ARIH2: variants seen among roughly 807,000 people sequenced by gnomAD.
The protein encoded by ARIH2 is E3 ubiquitin-protein ligase ARIH2.
A neutral mutation model predicts 79.8 loss-of-function variants in ARIH2; 12 were observed. The observed-to-expected ratio is 0.15, with a 90% CI of 0.10 to 0.24. The LOEUF is 0.24. ARIH2 is among the 10% of genes least tolerant of loss of function. The pLI is 1.00. For synonymous variants in ARIH2, 224 were observed against 213.9 expected (o/e 1.05, Z -0.41); for missense variants, 301 against 618.3 (o/e 0.49, Z 5.44).
At chr3:48,951,415 T>G (rs938252588) in intron 3 of ARIH2, among the ~76,000 whole-genome samples, 6 of 151,938 alleles carry the variant, frequency 3.9e-5, no homozygotes, top group Non-Finnish European at 5.9e-5. Flanking sequence ...AATATTGGGG[T>G]TTTTTTTCTT....
rs551118814 is a variant in ARIH2, at chr3:48,926,242, CGTG to C, written c.-97-1219_-97-1217del. Among the ~76,000 whole-genome samples the C allele has an allele frequency of 7.4e-3, 1,099 of 148,148 alleles. 5 individuals are homozygous for C. The highest frequency in any genetic ancestry group is 0.014 in the Admixed American group (200 of 14,800). ...TTCTTTTTTGAGATGGAGTTTCCCT[CGTG>C]TGTGTGTGTGTGTGTGTGTGTATGT... On this transcript the variant is annotated intron_variant, in intron 2 of 15. Coordinates refer to ENST00000356401, the MANE Select transcript of ARIH2 (RefSeq NM_006321.4).
intron 3 of ARIH2, among the ~76,000 whole-genome samples, chr3:48,936,491 T>G (rs1399670817): frequency 6.6e-6 from 1 of 152,222 alleles, no homozygotes; most frequent in Non-Finnish European, 1.5e-5. Context: ...CCCAGTACTT[T>G]GGGAGGCCAA....
chr3:48,941,138 C>G (rs1418422744), intron 3 of ARIH2, among the ~76,000 whole-genome samples: 1 of 148,902 alleles, frequency 6.7e-6, no homozygotes, highest in Non-Finnish European at 1.5e-5. Context: ...TGCCACTGCA[C>G]TCCAGCCTGG....
intron 3 of ARIH2, 99 bp downstream of exon 3, chr3:48,927,912 G>A: frequency 6.8e-7 from 1 of 1,463,682 alleles, no homozygotes; most frequent in Non-Finnish European, 9.2e-7. Context: ...GAATGGCCTT[G>A]TAGCTTGAAA....
At chr3:48,936,523 C>G (rs1435405949) in intron 3 of ARIH2, among the ~76,000 whole-genome samples, 1 of 151,886 alleles carries the variant, frequency 6.6e-6, no homozygotes, top group African/African-American at 2.4e-5. Context: ...CACCTGAGGT[C>G]AGGAGTTCAA....
intron 3 of ARIH2, chr3:48,934,800 T>C (rs1261699399): frequency 4.1e-6 from 4 of 985,324 alleles, no homozygotes; most frequent in Non-Finnish European, 3.6e-6. Flanking sequence ...TTGTCATCGC[T>C]GTGTACCTGA....
At chr3:48,972,576 A>G (rs865849897) in intron 8 of ARIH2, among the ~76,000 whole-genome samples, 7 of 152,270 alleles carry the variant, frequency 4.6e-5, no homozygotes, top group Middle Eastern at 6.8e-3. Context: ...CCAGGGAGGC[A>G]GAGGCTGCAG....
rs746322759 is a variant in ARIH2 at position 48,927,513 on chromosome 3, GA to G, written c.-41del. On this transcript the variant is annotated 5_prime_UTR_variant, in exon 3 of 16. Transcript: ENST00000356401. ...AAAGCGGTAGTTTTGGGGGGAGGGG[GA>G]AAAAGCAACTGCTTTCCTGATCTGC... 1.0e-4 allele frequency: 166 copies of G among 1,589,884 alleles called. No homozygotes were observed. The African/African-American group carries it at 2.0e-3, about 20-fold the overall frequency.
chr3:48,968,838 A>G (rs1479389269), intron 7 of ARIH2, among the ~76,000 whole-genome samples, 183 bp downstream of exon 7: 2 of 152,196 alleles, frequency 1.3e-5, no homozygotes, highest in African/African-American at 4.8e-5. Context: ...AGGCCTTAGA[A>G]TCAGACACAC....
intron 3 of ARIH2, among the ~76,000 whole-genome samples, chr3:48,929,575 T>A (rs916685851): frequency 1.3e-5 from 2 of 152,180 alleles, no homozygotes; most frequent in Admixed American, 6.6e-5. Flanking sequence ...GTCCAAAGAA[T>A]ACAGCTCGTT....
intron 1 of ARIH2, chr3:48,921,682 C>G (rs2084847158): frequency 1.3e-5 from 2 of 152,056 alleles, no homozygotes; most frequent in South Asian, 4.1e-4. Flanking sequence ...CGTCCACCCA[C>G]CTTGGCCTCC....
At chr3:48,965,629 G>T (rs1326753410) in intron 5 of ARIH2, among the ~76,000 whole-genome samples, 1 of 151,950 alleles carries the variant, frequency 6.6e-6, no homozygotes, top group Non-Finnish European at 1.5e-5. Context: ...TCAGACTCTG[G>T]CTCCACCTTT....
chr3:48,938,913 CAAAAAAAAAAAAAA>C (rs1158929356), intron 3 of ARIH2, among the ~76,000 whole-genome samples: 2 of 54,394 alleles, frequency 3.7e-5, no homozygotes, highest in Non-Finnish European at 3.3e-5. Flanking sequence ...GTCTTTAGAC[CAAAAAAAAAAAAAA>C]AAAAAAAAAA....
At chr3:48,970,739 C>A in intron 8 of ARIH2, 35 bp downstream of exon 8, 1 of 1,519,264 alleles carries the variant, frequency 6.6e-7, no homozygotes, top group Non-Finnish European at 9.1e-7. Context: ...CAGCCCTGGG[C>A]TCATGCCCCA....
intron 7 of ARIH2, among the ~76,000 whole-genome samples, chr3:48,969,791 A>G (rs1224003735): frequency 6.6e-6 from 1 of 151,248 alleles, no homozygotes; most frequent in Non-Finnish European, 1.5e-5. Flanking sequence ...AGATTAATTT[A>G]TGGTCTGGGT....
intron 6 of ARIH2, 28 bp downstream of exon 6, chr3:48,967,303 G>A (rs769589528): frequency 6.2e-7 from 1 of 1,606,870 alleles, no homozygotes; most frequent in Non-Finnish European, 8.5e-7. Flanking sequence ...CTTATAAAAA[G>A]CTGGCATGAA....
At chr3:48,973,660 T>A (rs1324688706) in intron 8 of ARIH2, 39 bp from the exon 9 acceptor site, 2 of 1,502,104 alleles carry the variant, frequency 1.3e-6, no homozygotes, top group Non-Finnish European at 1.9e-6. Flanking sequence ...GGACCCTGAC[T>A]TAATGAATAT....
At chr3:48,919,854 A>G (rs2084526560) in intron 1 of ARIH2, among the ~76,000 whole-genome samples, 1 of 151,982 alleles carries the variant, frequency 6.6e-6, no homozygotes, top group South Asian at 2.1e-4. Flanking sequence ...AGCGCTAGTG[A>G]TCATATCTGG....
At chr3:48,920,403 G>A (rs2084645319) in intron 1 of ARIH2, among the ~76,000 whole-genome samples, 1 of 138,472 alleles carries the variant, frequency 7.2e-6, no homozygotes, top group African/African-American at 2.6e-5. Context: ...CATTTAGTAT[G>A]AAATGGAGTT....
Sources: gnomAD v4.1 joint callset for allele counts (sites outside exome capture counted in the v4.1 genomes callset) on GRCh38, gnomAD v4.1.1 for gene constraint, MANE v1.5 for transcripts, NCBI Gene and HGNC (gene_info 2026-07-23, HGNC 2026-07-21) for gene names.